ITGA5: variants seen among roughly 807,000 people sequenced by gnomAD.
ITGA5 encodes integrin subunit alpha 5.
In ITGA5, 55 loss-of-function variants were observed where a neutral mutation model predicts 146.3. The observed-to-expected ratio is 0.38, with a 90% CI of 0.30 to 0.47. The LOEUF (loss-of-function observed/expected upper bound fraction) is 0.47. Ranked by LOEUF, ITGA5 falls within the 20% of genes least tolerant of loss-of-function variation. The pLI, the probability that ITGA5 is intolerant of heterozygous loss-of-function variation, is 0.99. For synonymous variants in ITGA5, 500 were observed against 531.8 expected (o/e 0.94, Z 0.82); for missense variants, 1,131 against 1,329.0 (o/e 0.85, Z 2.32).
intron 25 of ITGA5, chr12:54,400,350 T>C: frequency 4.8e-6 from 1 of 206,216 alleles, no homozygotes; most frequent in Non-Finnish European, 9.9e-6. Context: ...ACTCTTCACT[T>C]CATCACCTTT....
At position 54,408,093 on chromosome 12, in the gene ITGA5, C is replaced by T. The variant is rs913955517; in HGVS notation, c.817+17G>A. On this transcript the variant is annotated intron_variant, in intron 7 of 29. Transcript: ENST00000293379. ...GAGGTTCTCCCTCTGCCATCCCTTC[C>T]CCACTTGCTTGCTCACCTAGGTAGC... The T allele has an allele frequency of 6.2e-6, 10 of 1,613,938 alleles. No homozygotes were observed. The Admixed American group carries it at 1.5e-4, about 24-fold the overall frequency.
chr12:54,413,664 G>A (rs1357227972), intron 1 of ITGA5, among the ~76,000 whole-genome samples: 1 of 152,202 alleles, frequency 6.6e-6, no homozygotes, highest in East Asian at 1.9e-4. Context: ...AGCAGGGGCA[G>A]CCCCCAGAGA....
chr12:54,408,287 T>C lies in ITGA5; in HGVS notation c.692-52A>G, dbSNP rs191764563. 1.4e-3 allele frequency: 2,183 copies of C among 1,601,836 alleles called. 8 individuals carry two copies. The highest frequency in any genetic ancestry group is 1.4e-3 in the Non-Finnish European group (1,673 of 1,171,688). On this transcript the variant is annotated intron_variant, in intron 6 of 29. Transcript: ENST00000293379. The stretch of plus-strand genomic sequence containing the variant: ...ATGGAGAGGAAGTGGCAGAGGGGGC[T>C]TGGGACTCTGGGGGCTGACTGGGTA...
chr12:54,414,584 C>T (rs187887021), intron 1 of ITGA5, among the ~76,000 whole-genome samples: 4 of 152,262 alleles, frequency 2.6e-5, no homozygotes, highest in Admixed American at 2.6e-4. Context: ...CGGTGGCTCA[C>T]GCCTGTAATC....
In ITGA5 at chr12:54,403,265, C is replaced by T; in HGVS notation, c.1836G>A (p.Leu612=). 6.4e-7 allele frequency: 1 copy of T among 1,565,598 alleles called. No individual in the cohort carries two copies. The highest frequency in any genetic ancestry group is 1.2e-5 in the South Asian group (1 of 83,400). Reference sequence around the variant, plus strand: ...GGCTGTCCACTGGGGCTTGGGGGTCCAAGGAGAAGTTGAGAGCGATGTGAA... The same window carrying T: ...GGCTGTCCACTGGGGCTTGGGGGTCTAAGGAGAAGTTGAGAGCGATGTGAA... ...SPIHIALNFS[L]DPQAPVDSHG... is the part of the protein sequence containing the mutation. The change falls in exon 18 of 30, where the codon TTG becomes TTA. Residue 612 remains leucine (L), a synonymous_variant. Coordinates refer to ENST00000293379, the MANE Select transcript of ITGA5 (RefSeq NM_002205.5). This position sits in a 1 kb window ranked among gnomAD's most constrained non-coding sequence, Gnocchi z 4.9.
In ITGA5 at chr12:54,405,386, GGC is replaced by G. The variant is rs1955851580; in HGVS notation, c.1017-14_1017-13del. The G allele has an allele frequency of 1.9e-6, 3 of 1,580,188 alleles. No individual in the cohort carries two copies. In the East Asian group the frequency reaches 6.8e-5, roughly 36 times the overall value. On this transcript the variant is annotated splice_polypyrimidine_tract_variant and intron_variant, in intron 11 of 29. Transcript: ENST00000293379. ...GCAAGTCATCCAGCCTGAGGGGAAG[GGC>G]AAACCCAGGCATCTCGATACCCTGT...
At chr12:54,404,579 A>G in intron 13 of ITGA5, 104 bp from the exon 14 acceptor site, 1 of 1,502,170 alleles carries the variant, frequency 6.7e-7, no homozygotes, top group South Asian at 1.1e-5. Context: ...AAGTGAGAAG[A>G]CAGCGCCCTC....
intron 7 of ITGA5, 58 bp downstream of exon 7, chr12:54,408,052 G>T (rs1215558293): frequency 2.7e-5 from 43 of 1,605,978 alleles, no homozygotes. Flanking sequence ...GGGGGTGAGT[G>T]GGGACAGGAG....
intron 1 of ITGA5, among the ~76,000 whole-genome samples, chr12:54,414,975 C>T (rs1464481681): frequency 6.6e-6 from 1 of 151,736 alleles, no homozygotes; most frequent in Non-Finnish European, 1.5e-5. Flanking sequence ...ATGGCGAAAC[C>T]CCGTCTCTAC....
rs1481960215 is a variant in ITGA5 at position 54,416,401 on chromosome 12, C to T, written c.218+2580G>A. Among the ~76,000 whole-genome samples the T allele has an allele frequency of 1.3e-5, 2 of 152,170 alleles. No homozygotes were observed. The highest frequency in any genetic ancestry group is 2.9e-5 in the Non-Finnish European group (2 of 68,022). On this transcript the variant is annotated intron_variant, in intron 1 of 29. Coordinates refer to ENST00000293379, the MANE Select transcript of ITGA5 (RefSeq NM_002205.5). This position sits in a 1 kb window ranked among gnomAD's most constrained non-coding sequence, Gnocchi z 4.1. Reference sequence around the variant, plus strand: ...AGTTTTTGTATATCTAAAAATGGGGCAATAATGCTTCCTTTGCTTTAACAC... The same window carrying T: ...AGTTTTTGTATATCTAAAAATGGGGTAATAATGCTTCCTTTGCTTTAACAC...
intron 2 of ITGA5, 117 bp downstream of exon 2, chr12:54,411,717 A>G (rs1955945483): frequency 1.3e-6 from 1 of 794,656 alleles, no homozygotes; most frequent in Admixed American, 3.9e-5. Flanking sequence ...GCTGGTGCTG[A>G]GAGGTCACGT....
In ITGA5 at chr12:54,404,418, T is replaced by C; in HGVS notation, c.1463+12A>G. On this transcript the variant is annotated intron_variant, in intron 14 of 29. Coordinates refer to ENST00000293379, the MANE Select transcript of ITGA5 (RefSeq NM_002205.5). ...CCCAGGTTGTCCCCTCATCTCCCTT[T>C]GGAGCTCATACCTGTATACCACAGC... The C allele has an allele frequency of 6.2e-7, 1 of 1,613,800 alleles. No homozygotes were observed. The highest frequency in any genetic ancestry group is 1.3e-5 in the African/African-American group (1 of 75,046).
intron 9 of ITGA5, among the ~76,000 whole-genome samples, chr12:54,406,974 C>T (rs1955873908): frequency 6.6e-6 from 1 of 152,208 alleles, no homozygotes; most frequent in Admixed American, 6.5e-5. Context: ...AACCTACTTA[C>T]TAACTGGGTG....
At chr12:54,407,611 G>A (rs752774707) in intron 9 of ITGA5, 38 bp downstream of exon 9, 2 of 1,569,788 alleles carry the variant, frequency 1.3e-6, no homozygotes, top group South Asian at 1.1e-5. Context: ...TGATTAGGCA[G>A]GGGAGGAGAG....
chr12:54,406,267 G>GT (rs1955865269), intron 9 of ITGA5, among the ~76,000 whole-genome samples: 1 of 152,194 alleles, frequency 6.6e-6, no homozygotes, highest in Non-Finnish European at 1.5e-5. Context: ...GTCATGCTTG[G>GT]TGAGTAGTAG....
chr12:54,416,859 C>T lies in ITGA5; in HGVS notation c.218+2122G>A, dbSNP rs545954150. On this transcript the variant is annotated intron_variant, in intron 1 of 29. Coordinates refer to ENST00000293379, the MANE Select transcript of ITGA5 (RefSeq NM_002205.5). The surrounding 1 kb of genome is among the most constrained non-coding windows in gnomAD (Gnocchi z 4.1). ...TAACTGCTTTGGTGCTCGCCCTGTC[C>T]TTTAATACTATTTTGGTGTTCACCA... Among the ~76,000 whole-genome samples the T allele has an allele frequency of 1.3e-5, 2 of 152,308 alleles. No homozygotes were observed. Among genetic ancestry groups the T allele is most frequent in the African/African-American group, 2.4e-5 (1 of 41,548 alleles).
intron 2 of ITGA5, among the ~76,000 whole-genome samples, chr12:54,410,969 C>T (rs1160441262): frequency 6.6e-6 from 1 of 152,192 alleles, no homozygotes; most frequent in East Asian, 1.9e-4. Flanking sequence ...TCAGGTGATC[C>T]ACCTGCCTTG....
chr12:54,400,623 C>A, intron 25 of ITGA5: 1 of 508,356 alleles, frequency 2.0e-6, no homozygotes, highest in African/African-American at 2.0e-5. Context: ...TAGGGGTATG[C>A]CGGGAAACAA....
chr12:54,401,676 G>A lies in ITGA5; in HGVS notation c.2307-11C>T, dbSNP rs1592285547. On this transcript the variant is annotated splice_polypyrimidine_tract_variant and intron_variant, in intron 22 of 29. Transcript: ENST00000293379. The surrounding 1 kb of genome is among the most constrained non-coding windows in gnomAD (Gnocchi z 5.0). ...TTGTTGAGATTCTTGCTGTGGGATG[G>A]AGGCAAGACTGAGGTGCTGGAGTGC... 2 of 1,614,052 alleles carry A rather than the reference G, an allele frequency of 1.2e-6. No homozygotes were observed. The highest frequency in any genetic ancestry group is 8.5e-7 in the Non-Finnish European group (1 of 1,179,914).
Sources: allele counts gnomAD v4.1 joint callset (sites outside exome capture counted in the v4.1 genomes callset), GRCh38; gene constraint gnomAD v4.1.1; non-coding constraint Gnocchi (gnomAD v3.1); transcripts MANE v1.5; gene names NCBI Gene and HGNC (gene_info 2026-07-23, HGNC 2026-07-21).